LRRC27: variants seen among roughly 807,000 people sequenced by gnomAD.
The protein encoded by LRRC27 is leucine rich repeat containing 27, also known as leucine-rich repeat-containing protein 27.
In LRRC27, 57 loss-of-function variants were observed where a neutral mutation model predicts 55.0. That is an observed-to-expected ratio of 1.04 (90% CI 0.84 to 1.29). The LOEUF is 1.29. Ranked by LOEUF, LRRC27 falls within the 50% of genes most tolerant of loss-of-function variation. The probability of loss-of-function intolerance (pLI) is 0.00; values close to 1 mark genes in which losing one functional copy is unlikely to be tolerated. For synonymous variants in LRRC27, 278 were observed against 251.9 expected, an observed-to-expected ratio of 1.10 and a Z score of -0.98; for missense variants, 721 against 651.5, an observed-to-expected ratio of 1.11 and a Z score of -1.16.
Position 132,333,642 on chromosome 10 carries a change from G to T in LRRC27, c.118G>T (p.Gly40Ter). ...TPSKDVHKGVGGIIFSSSPIL... is the reference protein window; with the variant it reads ...TPSKDVHKGV ...CTCCAAAGATGTTCACAAGGGTGTT[G>T]GAGGCATCATCTTTTCCTCCTCACC... Residue 40 changes from glycine (G) to a stop codon, truncating the protein, a stop_gained, in exon 2 of 11, where the codon GGA (glycine) becomes TGA (stop). Transcript: ENST00000368614. LOFTEE classifies it high-confidence loss of function. The T allele has an allele frequency of 6.2e-7, 1 of 1,613,530 alleles. No homozygotes were observed. Among genetic ancestry groups the T allele is most frequent in the Non-Finnish European group, 8.5e-7 (1 of 1,180,016 alleles).
chr10:132,353,138 T>G, intron 7 of LRRC27: 1 of 1,451,056 alleles, frequency 6.9e-7, no homozygotes, highest in African/African-American at 1.4e-5. Context: ...GGTGGTTGGC[T>G]TTGGCCAGCG....
chr10:132,342,292 A>T, intron 4 of LRRC27, 21 bp downstream of exon 4: 1 of 1,430,274 alleles, frequency 7.0e-7, no homozygotes, highest in Non-Finnish European at 9.4e-7. Flanking sequence ...AATAATAAAA[A>T]GATGATTTTA....
chr10:132,353,034 C>T (rs2068137346), intron 7 of LRRC27: 1 of 1,580,976 alleles, frequency 6.3e-7, no homozygotes, highest in Non-Finnish European at 8.6e-7. Flanking sequence ...TCTCTGTCCT[C>T]CAGCTCCACT....
chr10:132,351,604 TAGAA>T lies in LRRC27; in HGVS notation c.927-2_928del, dbSNP rs1190789512. The T allele has an allele frequency of 6.2e-7, 1 of 1,609,842 alleles. No homozygotes were observed. The highest frequency in any genetic ancestry group is 8.5e-7 in the Non-Finnish European group (1 of 1,178,722). On this transcript the variant is annotated splice_acceptor_variant and coding_sequence_variant, in exon 7 of 11. Transcript: ENST00000368614. LOFTEE classifies it high-confidence loss of function. ...TTCAGCTAAAAACACTCTGTAATTT[TAGAA>T]GGAAGACAGCCTCCTCCAGGAGCAT...
chr10:132,334,910 A>C (rs971255072), intron 2 of LRRC27, among the ~76,000 whole-genome samples: 12 of 152,338 alleles, frequency 7.9e-5, no homozygotes, highest in Admixed American at 7.8e-4. Flanking sequence ...GTCAGTATAA[A>C]TTTTATTACC....
intron 8 of LRRC27, among the ~76,000 whole-genome samples, chr10:132,356,928 G>A (rs185136677): frequency 2.8e-4 from 42 of 152,370 alleles, no homozygotes; most frequent in African/African-American, 8.9e-4. Flanking sequence ...GAAAGGCCAC[G>A]GATTGCCTCT....
chr10:132,354,888 G>T (rs946673131), intron 7 of LRRC27, among the ~76,000 whole-genome samples: 1 of 152,216 alleles, frequency 6.6e-6, no homozygotes, highest in Non-Finnish European at 1.5e-5. Context: ...GCCTTCCGGG[G>T]GTGGAGCCCT....
Position 132,364,477 on chromosome 10 carries a change from C to CCACGCTTACATCTACCTCCA in LRRC27, c.1290-944_1290-943insGCTTACATCTACCTCCACAC, listed in dbSNP as rs1554900526. 1.8e-4 allele frequency among the ~76,000 whole-genome samples: 21 copies of CCACGCTTACATCTACCTCCA among 117,692 alleles called. 2 individuals carry two copies. The highest frequency in any genetic ancestry group is 4.7e-4 in the East Asian group (2 of 4,294). 77.2% of individuals were successfully genotyped at this position (117,692 alleles called of 152,430 possible). On this transcript the variant is annotated intron_variant, in intron 9 of 10. Coordinates refer to ENST00000368614, the MANE Select transcript of LRRC27 (RefSeq NM_030626.3). The stretch of plus-strand genomic sequence containing the variant: ...CACTCACACCCACCCACACTTACAC[C>CCACGCTTACATCTACCTCCA]CACCCACACTTACACCCACCCTTAC...
At chr10:132,359,568 C>T (rs1041893696) in intron 8 of LRRC27, among the ~76,000 whole-genome samples, 8 of 152,236 alleles carry the variant, frequency 5.3e-5, no homozygotes, top group Non-Finnish European at 1.0e-4. Flanking sequence ...GAATCATGGC[C>T]GCTGGCTTTG....
Position 132,344,579 on chromosome 10 carries a change from T to C in LRRC27, c.482T>C (p.Leu161Ser). Residue 161 changes from leucine to serine, a missense_variant, in exon 5 of 11, where the codon TTG (leucine) becomes TCG (serine). Transcript: ENST00000368614. The part of the protein sequence containing the change: ...FPPQLVVQKG[L>S]VAIQRFLRMW... ...CCTCAGCTCGTTGTGCAGAAGGGAT[T>C]GGTGGCTATCCAGCGCTTCCTGCGG... 6.2e-7 allele frequency: 1 copy of C among 1,614,210 alleles called. No homozygotes were observed. The highest frequency in any genetic ancestry group is 8.5e-7 in the Non-Finnish European group (1 of 1,180,032).
chr10:132,344,614 G>A lies in LRRC27; in HGVS notation c.517G>A (p.Val173Ile), dbSNP rs933346404. The A allele has an allele frequency of 1.2e-6, 2 of 1,614,166 alleles. No individual in the cohort carries two copies. Among genetic ancestry groups the A allele is most frequent in the African/African-American group, 1.3e-5 (1 of 75,056 alleles). ...AIQRFLRMWA[V>I]EHSLPRNPTS... ...CCAGCGCTTCCTGCGGATGTGGGCA[G>A]TAGAACACTCTCTCCCCAGAAATCC... is the stretch of plus-strand genomic sequence containing the variant. The change falls in exon 5 of 11, where the codon GTA becomes ATA. Residue 173 changes from valine to isoleucine, a missense_variant. Transcript: ENST00000368614.
chr10:132,347,675 T>C (rs1346248912), intron 5 of LRRC27, among the ~76,000 whole-genome samples: 6 of 137,094 alleles, frequency 4.4e-5, no homozygotes, highest in East Asian at 2.4e-4. Context: ...GAGGGTCAGG[T>C]GCGCCCGGTG....
chr10:132,345,068 A>C (rs567614566), intron 5 of LRRC27, among the ~76,000 whole-genome samples: 1 of 152,358 alleles, frequency 6.6e-6, no homozygotes, highest in South Asian at 2.1e-4. Context: ...GACATGTTTT[A>C]TCTAATCACC....
upstream of LRRC27, chr10:132,332,095 T>G: frequency 1.9e-5 from 4 of 205,886 alleles, no homozygotes; most frequent in South Asian, 1.3e-4. Flanking sequence ...ACCACACCCC[T>G]CGCGCAGGCG....
In LRRC27 at chr10:132,364,748, G is replaced by GTCCACACCGTGGGGC. The variant is rs1564854814; in HGVS notation, c.1290-676_1290-675insTCCACACCGTGGGGC. ...CGTCCACACTTACATCTACCTCCAC[G>GTCCACACCGTGGGGC]CCCACACTTACACTCATGCTTACAT... On this transcript the variant is annotated intron_variant, in intron 9 of 10. Coordinates refer to ENST00000368614, the MANE Select transcript of LRRC27 (RefSeq NM_030626.3). Among the ~76,000 whole-genome samples the GTCCACACCGTGGGGC allele has an allele frequency of 4.2e-4, 12 of 28,540 alleles. 2 individuals carry two copies. Among genetic ancestry groups the GTCCACACCGTGGGGC allele is most frequent in the South Asian group, 1.4e-3 (1 of 722 alleles). The allele number at this position is 28,540 out of a possible 152,430, so 18.7% of individuals were successfully genotyped here. A position where few individuals can be genotyped will look rare whatever the true frequency, so the allele number is the denominator to read the frequency against.
rs1300695422 is a variant in LRRC27, at chr10:132,381,070, T to A, written c.*5828T>A. On this transcript the variant is annotated 3_prime_UTR_variant, in exon 11 of 11. Transcript: ENST00000368614. ...TTAGATTGAAGAATGTAAAGTATTG[T>A]TTCTGGGTGTTGCCAGAAGAGATTA... Among the ~76,000 whole-genome samples, 1 of 152,262 alleles carries A rather than the reference T, an allele frequency of 6.6e-6. No homozygotes were observed. The highest frequency in any genetic ancestry group is 1.5e-5 in the Non-Finnish European group (1 of 68,050).
chr10:132,365,814 G>C (rs183826430), intron 10 of LRRC27, among the ~76,000 whole-genome samples: 2 of 152,338 alleles, frequency 1.3e-5, no homozygotes, highest in East Asian at 3.9e-4. Flanking sequence ...GGCCAGCCTT[G>C]TCTCGAACTC....
Position 132,377,699 on chromosome 10 carries a change from T to A in LRRC27, c.*2457T>A, listed in dbSNP as rs918932724. The stretch of plus-strand genomic sequence containing the variant: ...TTCATTTAGCTAAATAACTTTTTTT[T>A]AAGTATTTCTTTGTATCATGGTTAT... On this transcript the variant is annotated 3_prime_UTR_variant, in exon 11 of 11. Transcript: ENST00000368614. 8 of 152,246 alleles carry A rather than the reference T, an allele frequency of 5.3e-5. No individual in the cohort carries two copies. The highest frequency in any genetic ancestry group is 2.1e-4 in the South Asian group (1 of 4,836). The allele number at this position is 152,246 out of a possible 1,614,324, so 9.4% of individuals were successfully genotyped here.
At chr10:132,337,856 TA>T (rs2067209777) in intron 3 of LRRC27, among the ~76,000 whole-genome samples, 161 bp downstream of exon 3, 1 of 152,342 alleles carries the variant, frequency 6.6e-6, no homozygotes, top group East Asian at 1.9e-4. Context: ...CGGCTGAATG[TA>T]CCCAACACAG....
Sources: allele counts gnomAD v4.1 joint callset (sites outside exome capture counted in the v4.1 genomes callset), GRCh38; gene constraint gnomAD v4.1.1; transcripts MANE v1.5; gene names NCBI Gene and HGNC (gene_info 2026-07-23, HGNC 2026-07-21).